The following DKK2 variants were observed in gnomAD, a reference collection of about 807,000 sequenced individuals.
DKK2 encodes dickkopf-related protein 2.
A neutral mutation model predicts 28.1 loss-of-function variants in DKK2; 11 were observed. That is an observed-to-expected ratio of 0.39 (90% confidence interval 0.25 to 0.65). The LOEUF is 0.65. Ranked by LOEUF, DKK2 falls within the 30% of genes least tolerant of loss-of-function variation. DKK2 has a pLI of 0.47. For missense variants in DKK2, 326 were observed against 335.5 expected (o/e 0.97, Z 0.22); for synonymous variants, 135 against 126.5 (o/e 1.07, Z -0.45).
chr4:106,989,558 T>C (rs1029168504), intron 1 of DKK2, among the ~76,000 whole-genome samples: 2 of 152,214 alleles, frequency 1.3e-5, no homozygotes, highest in Admixed American at 6.5e-5. Flanking sequence ...ATTATTCTGG[T>C]AGAGCACACT....
At chr4:106,939,176 C>T (rs1724650033) in intron 1 of DKK2, among the ~76,000 whole-genome samples, 1 of 152,168 alleles carries the variant, frequency 6.6e-6, no homozygotes, top group South Asian at 2.1e-4. Context: ...CAAATTGTCC[C>T]TGTTTGCAGA....
intron 1 of DKK2, among the ~76,000 whole-genome samples, chr4:107,005,517 A>G (rs1183750422): frequency 6.6e-6 from 1 of 152,094 alleles, no homozygotes; most frequent in Non-Finnish European, 1.5e-5. Flanking sequence ...GATGCCTTTA[A>G]CACAGTCCTC....
intron 1 of DKK2, among the ~76,000 whole-genome samples, chr4:106,964,311 C>G (rs951890919): frequency 6.6e-6 from 1 of 152,042 alleles, no homozygotes; most frequent in African/African-American, 2.4e-5. Flanking sequence ...AAATATTGAA[C>G]TCCTGGAGGT....
At chr4:106,940,944 T>C (rs1724687793) in intron 1 of DKK2, among the ~76,000 whole-genome samples, 1 of 151,448 alleles carries the variant, frequency 6.6e-6, no homozygotes, top group African/African-American at 2.4e-5. Context: ...AATATCACAC[T>C]CTGGGGACTG....
intron 1 of DKK2, among the ~76,000 whole-genome samples, chr4:106,952,223 T>G (rs981236919): frequency 6.6e-6 from 1 of 152,202 alleles, no homozygotes; most frequent in African/African-American, 2.4e-5. Flanking sequence ...TTGTATCCTA[T>G]TCAATTTTTA....
chr4:106,961,321 A>G (rs913757044), intron 1 of DKK2, among the ~76,000 whole-genome samples: 1 of 152,120 alleles, frequency 6.6e-6, no homozygotes, highest in African/African-American at 2.4e-5. Context: ...AAGTTGGTAC[A>G]TGTTGTGAGT....
chr4:107,024,390 A>T (rs939154762), intron 1 of DKK2, among the ~76,000 whole-genome samples: 1 of 152,212 alleles, frequency 6.6e-6, no homozygotes, highest in African/African-American at 2.4e-5. Flanking sequence ...TATCAGAAAT[A>T]TGAAAGTATG....
At chr4:107,027,379 C>T (rs1279124821) in intron 1 of DKK2, among the ~76,000 whole-genome samples, 1 of 151,524 alleles carries the variant, frequency 6.6e-6, no homozygotes, top group Non-Finnish European at 1.5e-5. Flanking sequence ...TTATCACATG[C>T]TTCCATGAAA....
chr4:106,948,388 C>G (rs759499789), intron 1 of DKK2, among the ~76,000 whole-genome samples: 22 of 152,256 alleles, frequency 1.4e-4, no homozygotes, highest in Non-Finnish European at 2.8e-4. Flanking sequence ...AACCACTGCA[C>G]CACATTGAAT....
At chr4:106,993,430 T>C (rs987835759) in intron 1 of DKK2, among the ~76,000 whole-genome samples, 7 of 152,188 alleles carry the variant, frequency 4.6e-5, no homozygotes, top group Non-Finnish European at 8.8e-5. Context: ...GCTAACTTTA[T>C]CCATGAAATC....
chr4:106,995,122 T>C lies in DKK2; in HGVS notation c.222+40248A>G, dbSNP rs377703053. Among the ~76,000 whole-genome samples the C allele has an allele frequency of 2.0e-4, 30 of 152,270 alleles. 2 individuals are homozygous for C. The South Asian group carries it at 6.0e-3, about 30-fold the overall frequency. On this transcript the variant is annotated intron_variant, in intron 1 of 3. Transcript: ENST00000285311. ...TTTTTATGTTTCTGAAATTTAATAA[T>C]ATTAAATATTACATTAAGATTAGTA...
Position 107,035,986 on chromosome 4 carries a change from T to C in DKK2, c.-395A>G, listed in dbSNP as rs1723960130. On this transcript the variant is annotated 5_prime_UTR_variant, in exon 1 of 4. Transcript: ENST00000285311. Reference sequence around the variant, plus strand: ...CTCGGCGGTTTAACTCTCCTCTTAATTGATCAGGAGGCCCGCATCAGCTCC... The same window carrying C: ...CTCGGCGGTTTAACTCTCCTCTTAACTGATCAGGAGGCCCGCATCAGCTCC... The C allele has an allele frequency of 4.2e-6, 1 of 239,970 alleles. No homozygotes were observed. The highest frequency in any genetic ancestry group is 8.2e-6 in the Non-Finnish European group (1 of 121,488). The allele number at this position is 239,970 out of a possible 1,614,324, so 14.9% of individuals were successfully genotyped here. A position where few individuals can be genotyped will look rare whatever the true frequency, so the allele number is the denominator to read the frequency against.
intron 1 of DKK2, among the ~76,000 whole-genome samples, chr4:106,967,970 T>G (rs561691872): frequency 7.7e-6 from 1 of 130,092 alleles, no homozygotes; most frequent in East Asian, 2.3e-4. Context: ...AAGAAAGGAA[T>G]GAAGAGAAAA....
intron 1 of DKK2, among the ~76,000 whole-genome samples, chr4:106,952,945 T>C (rs1722503085): frequency 6.6e-6 from 1 of 152,202 alleles, no homozygotes. Context: ...TTGGTCAACT[T>C]GCTTATCAAA....
intron 1 of DKK2, among the ~76,000 whole-genome samples, chr4:106,956,012 C>A (rs969605616): frequency 1.4e-4 from 22 of 152,118 alleles, no homozygotes; most frequent in African/African-American, 5.3e-4. Context: ...CTAAGGGTAA[C>A]TAGGTGTTAA....
chr4:106,937,072 A>C lies in DKK2; in HGVS notation c.223-11123T>G, dbSNP rs537067235. 3.1e-3 allele frequency among the ~76,000 whole-genome samples: 466 copies of C among 152,154 alleles called. 1 individual carries two copies. Among genetic ancestry groups the C allele is most frequent in the Non-Finnish European group, 5.0e-3 (339 of 67,942 alleles). The stretch of plus-strand genomic sequence containing the variant: ...AACTGCATCAACTAATGAGCAAAAT[A>C]ACCAGCTAACATCATAATGACCGGA... On this transcript the variant is annotated intron_variant, in intron 1 of 3. Coordinates refer to ENST00000285311, the MANE Select transcript of DKK2 (RefSeq NM_014421.3).
At chr4:106,947,679 T>C (rs189520842) in intron 1 of DKK2, among the ~76,000 whole-genome samples, 3,857 of 151,296 alleles carry the variant, frequency 0.025, 60 homozygotes, top group Non-Finnish European at 0.036. Flanking sequence ...TTCTTTCTTT[T>C]TTTTTTTTTT....
intron 1 of DKK2, among the ~76,000 whole-genome samples, chr4:106,928,902 G>T (rs1724461873): frequency 6.6e-6 from 1 of 152,116 alleles, no homozygotes; most frequent in East Asian, 1.9e-4. Flanking sequence ...TTCTGGAAAT[G>T]ATATCATTGG....
intron 1 of DKK2, among the ~76,000 whole-genome samples, chr4:106,958,661 C>T (rs964831189): frequency 6.6e-6 from 1 of 151,734 alleles, no homozygotes; most frequent in Admixed American, 6.6e-5. Context: ...CATGGTGAAA[C>T]CCCGTCTCTA....
Sources: gnomAD v4.1 joint callset for allele counts (sites outside exome capture counted in the v4.1 genomes callset) on GRCh38, gnomAD v4.1.1 for gene constraint, MANE v1.5 for transcripts, NCBI Gene and HGNC (gene_info 2026-07-23, HGNC 2026-07-21) for gene names.